PLD5: variants seen among roughly 807,000 people sequenced by gnomAD.
The protein encoded by PLD5 is phospholipase D family member 5.
Under a neutral mutation model 61.1 loss-of-function variants are expected in PLD5, and 36 were observed. The ratio of observed to expected loss-of-function variants is 0.59; its 90% CI spans 0.45 to 0.78. The LOEUF (loss-of-function observed/expected upper bound fraction) is 0.78. Ranked by LOEUF, PLD5 falls within the 30% of genes least tolerant of loss-of-function variation. The pLI is 0.00. For synonymous variants in PLD5, 243 were observed against 242.8 expected (o/e 1.00, Z -0.01); for missense variants, 515 against 644.4 (o/e 0.80, Z 2.17).
At chr1:242,166,933 A>G (rs982705282) in intron 5 of PLD5, among the ~76,000 whole-genome samples, 1 of 152,108 alleles carries the variant, frequency 6.6e-6, no homozygotes. Context: ...TGAGCTGTAC[A>G]TGTAATTCTG....
intron 7 of PLD5, among the ~76,000 whole-genome samples, chr1:242,110,883 A>G (rs539330738): frequency 1.3e-5 from 2 of 152,308 alleles, no homozygotes; most frequent in African/African-American, 4.8e-5. Flanking sequence ...AAGGCTAATC[A>G]GGCTACATTT....
intron 1 of PLD5, among the ~76,000 whole-genome samples, chr1:242,508,298 G>A (rs1263844263): frequency 2.6e-5 from 4 of 151,974 alleles, no homozygotes; most frequent in Non-Finnish European, 4.4e-5. Flanking sequence ...GCTTGAACTC[G>A]GGAGGTAGAG....
At chr1:242,372,510 G>T (rs1422895072) in intron 1 of PLD5, among the ~76,000 whole-genome samples, 2 of 152,144 alleles carry the variant, frequency 1.3e-5, no homozygotes, top group African/African-American at 2.4e-5. Context: ...AAAGAACAAA[G>T]CTGGAGGCAT....
intron 1 of PLD5, among the ~76,000 whole-genome samples, chr1:242,417,774 G>A (rs928600391): frequency 7.9e-5 from 12 of 152,166 alleles, no homozygotes; most frequent in African/African-American, 1.4e-4. Context: ...AGGCCAGTAC[G>A]GGGGATGGTG....
At chr1:242,346,674 G>C (rs988925400) in intron 2 of PLD5, among the ~76,000 whole-genome samples, 2 of 152,180 alleles carry the variant, frequency 1.3e-5, no homozygotes, top group African/African-American at 4.8e-5. Context: ...AGGGGTACAA[G>C]TGCAGGATGT....
intron 2 of PLD5, among the ~76,000 whole-genome samples, chr1:242,333,951 A>G (rs1334981607): frequency 6.6e-6 from 1 of 152,224 alleles, no homozygotes; most frequent in Non-Finnish European, 1.5e-5. Flanking sequence ...ATAGTGCTGC[A>G]ATACACATGG....
At chr1:242,192,155 G>A (rs1179210157) in intron 5 of PLD5, 1 of 152,226 alleles carries the variant, frequency 6.6e-6, no homozygotes, top group East Asian at 1.9e-4. Context: ...TTTCTTGTAG[G>A]TATCCTTCTA....
Position 242,444,197 on chromosome 1 carries a change from G to C in PLD5, c.189+79891C>G, listed in dbSNP as rs193282989. On this transcript the variant is annotated intron_variant, in intron 1 of 9. Transcript: ENST00000536534. ...GTAATTCATAATTTCTAATGCTCTTGACACCATCTTCAAGGAGAAACTCAA... is the reference window on the plus strand; with the variant it reads ...GTAATTCATAATTTCTAATGCTCTTCACACCATCTTCAAGGAGAAACTCAA... Among the ~76,000 whole-genome samples the C allele has an allele frequency of 2.7e-4, 41 of 152,064 alleles. No individual in the cohort carries two copies. The East Asian group carries it at 7.5e-3, about 28-fold the overall frequency.
chr1:242,317,896 G>A (rs1489905631), intron 2 of PLD5, among the ~76,000 whole-genome samples: 1 of 152,110 alleles, frequency 6.6e-6, no homozygotes, highest in African/African-American at 2.4e-5. Flanking sequence ...CCTTTCAATG[G>A]GGGATCAGTG....
chr1:242,215,633 G>T (rs1670137723), intron 5 of PLD5, among the ~76,000 whole-genome samples: 1 of 152,028 alleles, frequency 6.6e-6, no homozygotes, highest in Admixed American at 6.6e-5. Context: ...GGTCCTCTTT[G>T]GATTCTAGCA....
chr1:242,202,862 G>A lies in PLD5; in HGVS notation c.735+17126C>T, dbSNP rs528807522. Among the ~76,000 whole-genome samples, 13 of 152,160 alleles carry A rather than the reference G, an allele frequency of 8.5e-5. 1 individual carries two copies. The highest frequency in any genetic ancestry group is 2.2e-4 in the African/African-American group (9 of 41,496). On this transcript the variant is annotated intron_variant, in intron 5 of 9. Coordinates refer to ENST00000536534, the MANE Select transcript of PLD5 (RefSeq NM_001372062.1). ...ATCCTGGCTCTTAATACAGGCCTCCGACACCAAGCAGAGATTCTGAAACCA... is the reference window on the plus strand; with the variant it reads ...ATCCTGGCTCTTAATACAGGCCTCCAACACCAAGCAGAGATTCTGAAACCA...
chr1:242,095,624 T>A (rs1237817235), intron 9 of PLD5, among the ~76,000 whole-genome samples: 2 of 152,178 alleles, frequency 1.3e-5, no homozygotes, highest in Non-Finnish European at 2.9e-5. Flanking sequence ...CCTCATCTCC[T>A]TTTTAAAAAA....
chr1:242,391,873 A>T (rs1374315762), intron 1 of PLD5, among the ~76,000 whole-genome samples: 1 of 152,254 alleles, frequency 6.6e-6, no homozygotes, highest in Admixed American at 6.5e-5. Context: ...AACTTAAAAC[A>T]GAACCACCAT....
At chr1:242,167,081 A>ATAG (rs1235788983) in intron 5 of PLD5, among the ~76,000 whole-genome samples, 3 of 40,636 alleles carry the variant, frequency 7.4e-5, no homozygotes, top group East Asian at 9.4e-4. Context: ...AATAATAGTA[A>ATAG]TAATAATAAT....
chr1:242,208,576 C>T (rs1346073597), intron 5 of PLD5, among the ~76,000 whole-genome samples: 4 of 152,086 alleles, frequency 2.6e-5, no homozygotes, highest in African/African-American at 4.8e-5. Context: ...TTTCTAGTTC[C>T]GAGATTAGAT....
chr1:242,509,603 A>T (rs558772333), intron 1 of PLD5, among the ~76,000 whole-genome samples: 3 of 152,330 alleles, frequency 2.0e-5, no homozygotes, highest in South Asian at 4.1e-4. Flanking sequence ...GCAGAGAGAT[A>T]GTAAAGCTCT....
intron 5 of PLD5, among the ~76,000 whole-genome samples, chr1:242,158,158 C>T (rs1164734786): frequency 1.3e-5 from 2 of 152,328 alleles, no homozygotes; most frequent in South Asian, 2.1e-4. Context: ...CCCCTTCCCC[C>T]ACCAAGCTCA....
chr1:242,513,001 A>C (rs1030943193), intron 1 of PLD5, among the ~76,000 whole-genome samples: 1 of 151,836 alleles, frequency 6.6e-6, no homozygotes, highest in African/African-American at 2.4e-5. Flanking sequence ...CCTCCTGAGT[A>C]GCTGGGACTA....
At chr1:242,483,464 G>A (rs1299907395) in intron 1 of PLD5, among the ~76,000 whole-genome samples, 1 of 152,164 alleles carries the variant, frequency 6.6e-6, no homozygotes, top group Non-Finnish European at 1.5e-5. Context: ...GACAAAGAAG[G>A]CCATTACATA....
Sources: gnomAD v4.1 joint callset for allele counts (sites outside exome capture counted in the v4.1 genomes callset) on GRCh38, gnomAD v4.1.1 for gene constraint, MANE v1.5 for transcripts, NCBI Gene and HGNC (gene_info 2026-07-23, HGNC 2026-07-21) for gene names.